CCND2: variants seen among roughly 807,000 people sequenced by gnomAD.
The protein encoded by CCND2 is G1/S-specific cyclin-D2.
In CCND2, 6 loss-of-function variants were observed where a neutral mutation model predicts 30.2. The observed-to-expected ratio is 0.20, with a 90% CI of 0.11 to 0.39. CCND2 has a LOEUF of 0.39. Ranked by LOEUF, CCND2 falls within the 10% of genes least tolerant of loss-of-function variation. CCND2 has a pLI of 1.00. For synonymous variants in CCND2, 150 were observed against 153.1 expected, an observed-to-expected ratio of 0.98 and a Z score of 0.15; for missense variants, 235 against 373.4, an observed-to-expected ratio of 0.63 and a Z score of 3.06.
Position 4,276,172 on chromosome 12 carries a change from G to A in CCND2, c.363G>A (p.Glu121=), listed in dbSNP as rs1055859383. The A allele has an allele frequency of 1.2e-6, 2 of 1,614,120 alleles. No homozygotes were observed. The highest frequency in any genetic ancestry group is 1.3e-5 in the African/African-American group (1 of 74,934). ...KLKETSPLTA[E]KLCIYTDNSI... is the part of the protein sequence containing the mutation. ...AAGAGACCAGCCCGCTGACCGCGGA[G>A]AAGCTGTGCATTTACACCGACAACT... The change falls in exon 2 of 5, where the codon GAG becomes GAA. Residue 121 remains glutamate, a synonymous_variant. Coordinates refer to ENST00000261254, the MANE Select transcript of CCND2 (RefSeq NM_001759.4). The surrounding 1 kb of genome is among the most constrained non-coding windows in gnomAD (Gnocchi z 4.8).
intron 3 of CCND2, among the ~76,000 whole-genome samples, chr12:4,288,479 A>G (rs952989811): frequency 6.6e-6 from 1 of 151,964 alleles, no homozygotes; most frequent in Non-Finnish European, 1.5e-5. Flanking sequence ...CCTCTAGAGG[A>G]GACTATGACT....
chr12:4,284,314 G>A (rs1050928945), intron 3 of CCND2, among the ~76,000 whole-genome samples: 1 of 152,226 alleles, frequency 6.6e-6, no homozygotes, highest in Non-Finnish European at 1.5e-5. Context: ...TGAAAACTCA[G>A]AGAGGTCAGG....
At position 4,302,277 on chromosome 12, in the gene CCND2, G is replaced by A; in HGVS notation, c.*2268G>A. On this transcript the variant is annotated 3_prime_UTR_variant, in exon 5 of 5. Transcript: ENST00000261254. ...CCAAGGGATCCTCCCTCCCCTTCAA[G>A]GCAGACGTTCAGTACAAACATTTAT... 4.3e-6 allele frequency: 1 copy of A among 232,994 alleles called. No homozygotes were observed. Among genetic ancestry groups the A allele is most frequent in the Non-Finnish European group, 8.5e-6 (1 of 117,804 alleles). The allele number at this position is 232,994 out of a possible 1,614,324, so 14.4% of individuals were successfully genotyped here. A position where few individuals can be genotyped will look rare whatever the true frequency, so the allele number is the denominator to read the frequency against.
At chr12:4,280,192 C>A (rs879055851) in intron 3 of CCND2, among the ~76,000 whole-genome samples, 7 of 152,386 alleles carry the variant, frequency 4.6e-5, no homozygotes, top group Admixed American at 3.9e-4. Flanking sequence ...GCTTTGTAAA[C>A]CGAAGTGTAG....
chr12:4,276,191 G>A lies in CCND2; in HGVS notation c.382G>A (p.Asp128Asn), dbSNP rs1863871644. The A allele has an allele frequency of 6.2e-7, 1 of 1,614,084 alleles. No homozygotes were observed. Among genetic ancestry groups the A allele is most frequent in the Non-Finnish European group, 8.5e-7 (1 of 1,179,984 alleles). ...CGCGGAGAAGCTGTGCATTTACACC[G>A]ACAACTCCATCAAGCCTCAGGAGCT... Reference protein sequence around the residue: ...LTAEKLCIYTDNSIKPQELLE... With the variant: ...LTAEKLCIYTNNSIKPQELLE... Residue 128 changes from aspartate to asparagine, a missense_variant, in exon 2 of 5, where the codon GAC (aspartate) becomes AAC (asparagine). Asp to Asn is a conservative substitution (Grantham distance 23). Coordinates refer to ENST00000261254, the MANE Select transcript of CCND2 (RefSeq NM_001759.4). This position sits in a 1 kb window ranked among gnomAD's most constrained non-coding sequence, Gnocchi z 4.8.
chr12:4,278,981 G>A (rs1052530991), intron 3 of CCND2, 62 bp downstream of exon 3: 1 of 1,523,822 alleles, frequency 6.6e-7, no homozygotes, highest in Non-Finnish European at 8.9e-7. Context: ...TGTCCGGGGA[G>A]AGGCAAAAGG....
intron 3 of CCND2, among the ~76,000 whole-genome samples, chr12:4,288,587 A>T (rs1464218660): frequency 6.6e-6 from 1 of 152,142 alleles, no homozygotes; most frequent in Non-Finnish European, 1.5e-5. Context: ...TCCTCTGTGC[A>T]TTCATTGTGT....
chr12:4,284,187 C>T (rs1484115719), intron 3 of CCND2, among the ~76,000 whole-genome samples: 3 of 152,214 alleles, frequency 2.0e-5, no homozygotes, highest in Non-Finnish European at 2.9e-5. Flanking sequence ...TGCTGGCTGA[C>T]ATTCATTGCT....
intron 3 of CCND2, among the ~76,000 whole-genome samples, chr12:4,283,417 G>C (rs570490938): frequency 1.0e-3 from 158 of 152,340 alleles, no homozygotes; most frequent in African/African-American, 3.6e-3. Flanking sequence ...ACTTTGAGGA[G>C]CTGGTCAGCT....
chr12:4,284,783 CTGGAGTGCA>C (rs1409862767), intron 3 of CCND2, among the ~76,000 whole-genome samples: 1 of 144,504 alleles, frequency 6.9e-6, no homozygotes, highest in Non-Finnish European at 1.5e-5. Context: ...GTCACCCAGG[CTGGAGTGCA>C]TGGCACAATC....
rs1863954562 is a variant in CCND2 at position 4,282,013 on chromosome 12, C to T, written c.571+3094C>T. On this transcript the variant is annotated intron_variant, in intron 3 of 4. Transcript: ENST00000261254. This position sits in a 1 kb window ranked among gnomAD's most constrained non-coding sequence, Gnocchi z 4.3. The stretch of plus-strand genomic sequence containing the variant: ...CCTAGCATTCCTGTTCCTGGAGTTT[C>T]CAAAACTGGGGAAGCAGAACTGAGC... 6.6e-6 allele frequency among the ~76,000 whole-genome samples: 1 copy of T among 152,142 alleles called. No homozygotes were observed.
rs1864281098 is a variant in CCND2 at position 4,303,697 on chromosome 12, A to G, written c.*3688A>G. On this transcript the variant is annotated 3_prime_UTR_variant, in exon 5 of 5. Transcript: ENST00000261254. This position sits in a 1 kb window ranked among gnomAD's most constrained non-coding sequence, Gnocchi z 4.6. ...GCCAAGAAGCCTGCAGGAGAAAGCC[A>G]AGGGCAGTTCCCTCCGCAGAACACC... is the stretch of plus-strand genomic sequence containing the variant. 4.3e-6 allele frequency: 1 copy of G among 233,652 alleles called. No individual in the cohort carries two copies. The highest frequency in any genetic ancestry group is 8.5e-6 in the Non-Finnish European group (1 of 118,050). The allele number at this position is 233,652 out of a possible 1,614,324, so 14.5% of individuals were successfully genotyped here. A position where few individuals can be genotyped will look rare whatever the true frequency, so the allele number is the denominator to read the frequency against.
rs1863956282 is a variant in CCND2 at position 4,282,094 on chromosome 12, AAAG to A, written c.571+3179_571+3181del. ...AGAACACCCAGGTCTGCAAGCGAGG[AAAG>A]AAGGCCATTGGAGATGACCTGGGTT... On this transcript the variant is annotated intron_variant, in intron 3 of 4. Coordinates refer to ENST00000261254, the MANE Select transcript of CCND2 (RefSeq NM_001759.4). The surrounding 1 kb of genome is among the most constrained non-coding windows in gnomAD (Gnocchi z 4.3). Among the ~76,000 whole-genome samples, 1 of 152,286 alleles carries A rather than the reference AAAG, an allele frequency of 6.6e-6. No individual in the cohort carries two copies. Among genetic ancestry groups the A allele is most frequent in the Admixed American group, 6.5e-5 (1 of 15,298 alleles).
In CCND2 at chr12:4,287,528, C is replaced by T. The variant is rs1042325780; in HGVS notation, c.572-1314C>T. 1.3e-5 allele frequency among the ~76,000 whole-genome samples: 2 copies of T among 152,130 alleles called. No individual in the cohort carries two copies. The highest frequency in any genetic ancestry group is 4.8e-5 in the African/African-American group (2 of 41,420). ...TAAGCTCACTAGAGCAATGCTAAAA[C>T]GAGAAAGAGTACGCTTTGGAAGACT... On this transcript the variant is annotated intron_variant, in intron 3 of 4. Coordinates refer to ENST00000261254, the MANE Select transcript of CCND2 (RefSeq NM_001759.4). This position sits in a 1 kb window ranked among gnomAD's most constrained non-coding sequence, Gnocchi z 4.0.
In CCND2 at chr12:4,273,926, A is replaced by G; in HGVS notation, c.-115A>G. ...CCTCTCCCCCGAAAACCCCCTATTT[A>G]GCCAAAGGAAGGAGGTCAGGGGAAC... On this transcript the variant is annotated 5_prime_UTR_variant, in exon 1 of 5. Transcript: ENST00000261254. This position sits in a 1 kb window ranked among gnomAD's most constrained non-coding sequence, Gnocchi z 5.9. The G allele has an allele frequency of 2.0e-6, 2 of 1,003,932 alleles. No homozygotes were observed. The highest frequency in any genetic ancestry group is 2.9e-6 in the Non-Finnish European group (2 of 697,674). The allele number at this position is 1,003,932 out of a possible 1,614,324, so 62.2% of individuals were successfully genotyped here. A position where few individuals can be genotyped will look rare whatever the true frequency, so the allele number is the denominator to read the frequency against.
chr12:4,295,675 G>A (rs1215627937), intron 4 of CCND2, among the ~76,000 whole-genome samples: 3 of 152,216 alleles, frequency 2.0e-5, no homozygotes, highest in East Asian at 3.8e-4. Context: ...TACTTGGGAT[G>A]CTGAGACAGG....
chr12:4,293,162 C>T lies in CCND2; in HGVS notation c.720+4172C>T, dbSNP rs1864122946. 6.6e-6 allele frequency among the ~76,000 whole-genome samples: 1 copy of T among 152,184 alleles called. No homozygotes were observed. The highest frequency in any genetic ancestry group is 1.5e-5 in the Non-Finnish European group (1 of 68,040). On this transcript the variant is annotated intron_variant, in intron 4 of 4. Transcript: ENST00000261254. This position sits in a 1 kb window ranked among gnomAD's most constrained non-coding sequence, Gnocchi z 4.9. ...AACTTCAATTCTGTGTCAGGGCCTT[C>T]CGAGCCTTCTGAGTTTTCCCCAACC...
chr12:4,278,695 C>G, intron 2 of CCND2, 65 bp from the exon 3 acceptor site: 1 of 1,553,372 alleles, frequency 6.4e-7, no homozygotes. Context: ...CAACCCCCAG[C>G]CCCCTACACC....
intron 3 of CCND2, among the ~76,000 whole-genome samples, chr12:4,279,289 A>G (rs1045108472): frequency 2.0e-5 from 3 of 152,238 alleles, no homozygotes; most frequent in African/African-American, 7.2e-5. Context: ...AGATAAGCCC[A>G]AGAGGAAATC....
Sources: gnomAD v4.1 joint callset for allele counts (sites outside exome capture counted in the v4.1 genomes callset) on GRCh38, gnomAD v4.1.1 for gene constraint, Gnocchi (gnomAD v3.1) non-coding constraint, MANE v1.5 for transcripts, NCBI Gene and HGNC (gene_info 2026-07-23, HGNC 2026-07-21) for gene names.